The following CHM variants were observed in gnomAD, a reference collection of about 807,000 sequenced individuals.
CHM encodes the protein CHM Rab escort protein.
CHM carries 10 observed loss-of-function variants against 49.0 expected under a neutral mutation model. The observed-to-expected ratio is 0.20, with a 90% confidence interval of 0.13 to 0.35. The LOEUF (loss-of-function observed/expected upper bound fraction) is 0.35. Ranked by LOEUF, CHM falls within the 10% of genes least tolerant of loss-of-function variation. The probability of loss-of-function intolerance (pLI) is 1.00; values close to 1 mark genes in which losing one functional copy is unlikely to be tolerated. For synonymous variants in CHM, 184 were observed against 167.5 expected, an observed-to-expected ratio of 1.10 and a Z score of -0.76; for missense variants, 455 against 478.4, an observed-to-expected ratio of 0.95 and a Z score of 0.46.
intron 3 of CHM, among the ~76,000 whole-genome samples, chrX:85,980,538 A>G (rs890053713): frequency 8.9e-6 from 1 of 112,312 alleles, no homozygotes. Context: ...AAATCAATCA[A>G]TCAATGCAAT....
At chrX:85,925,028 C>T (rs757556705) in intron 8 of CHM, among the ~76,000 whole-genome samples, 1 of 111,660 alleles carries the variant, frequency 9.0e-6, no homozygotes, top group Non-Finnish European at 1.9e-5. Context: ...TTCTATAGGA[C>T]AGTCACAGTA....
rs139527005 is a variant in CHM at position 86,035,059 on chromosome X, G to A, written c.50-7502C>T. Among the ~76,000 whole-genome samples the A allele has an allele frequency of 8.5e-3, 953 of 111,675 alleles. 9 individuals are homozygous for A. Among genetic ancestry groups the A allele is most frequent in the African/African-American group, 0.029 (894 of 30,693 alleles). ...AGAGGCAAAGGAAAGAGAAGGTCTA[G>A]ACAAAACTAGGGGAGGGTAACAGAG... On this transcript the variant is annotated intron_variant, in intron 1 of 14. Coordinates refer to ENST00000357749, the MANE Select transcript of CHM (RefSeq NM_000390.4).
intron 2 of CHM, among the ~76,000 whole-genome samples, chrX:86,013,123 T>A (rs1419693461): frequency 3.6e-5 from 4 of 111,793 alleles, no homozygotes; most frequent in Non-Finnish European, 7.5e-5. Context: ...ACAGCCATAC[T>A]GACAGAGAGA....
chrX:85,987,142 G>C (rs956372757), intron 2 of CHM, among the ~76,000 whole-genome samples: 2 of 111,952 alleles, frequency 1.8e-5, no homozygotes, highest in Non-Finnish European at 3.8e-5. Context: ...TAAACAATAT[G>C]ACTGAGAGGT....
At chrX:85,913,340 G>GAAAGAAAGAAAGAAAA (rs1927215802) in intron 8 of CHM, among the ~76,000 whole-genome samples, 2 of 50,492 alleles carry the variant, frequency 4.0e-5, no homozygotes, top group African/African-American at 6.6e-5. Flanking sequence ...AAAAAAGAAA[G>GAAAGAAAGAAAGAAAA]AAAGAAAGAA....
At chrX:86,012,262 A>G (rs1441444242) in intron 2 of CHM, among the ~76,000 whole-genome samples, 2 of 111,745 alleles carry the variant, frequency 1.8e-5, no homozygotes, top group African/African-American at 3.3e-5. Context: ...TAAACCCTCC[A>G]AAAACATTAT....
At chrX:85,890,454 G>C (rs1174847392) in intron 12 of CHM, among the ~76,000 whole-genome samples, 1 of 111,682 alleles carries the variant, frequency 9.0e-6, no homozygotes, top group Admixed American at 9.4e-5. Context: ...CCCATGTGTT[G>C]TGGGAAGGAC....
Position 86,002,112 on chromosome X carries a change from G to A in CHM, c.117-20303C>T, listed in dbSNP as rs779212939. Among the ~76,000 whole-genome samples the A allele has an allele frequency of 6.3e-5, 7 of 111,793 alleles. No homozygotes were observed. The East Asian group carries it at 1.1e-3, about 18-fold the overall frequency. ...TGACTAGTTTTTGTCCAGGAACTAT[G>A]AGCAAAGATGATATATGCCACTCCA... On this transcript the variant is annotated intron_variant, in intron 2 of 14. Transcript: ENST00000357749.
At chrX:86,031,413 G>A (rs1182919316) in intron 1 of CHM, among the ~76,000 whole-genome samples, 2 of 111,965 alleles carry the variant, frequency 1.8e-5, no homozygotes, top group African/African-American at 6.5e-5. Flanking sequence ...AGCCTCTGAG[G>A]AATAGGGAGT....
chrX:85,929,945 T>C (rs1257219381), intron 8 of CHM, among the ~76,000 whole-genome samples: 1 of 109,461 alleles, frequency 9.1e-6, no homozygotes. Flanking sequence ...CTACTAATAA[T>C]ACAAAAATTA....
chrX:86,025,726 G>A (rs12397832), intron 2 of CHM, among the ~76,000 whole-genome samples: 1 of 98,192 alleles, frequency 1.0e-5, no homozygotes, highest in Admixed American at 1.1e-4. Flanking sequence ...AAAAGAAAAA[G>A]AAAAAAAAAA....
intron 2 of CHM, among the ~76,000 whole-genome samples, chrX:86,021,069 CATAT>C (rs1393548092): frequency 1.1e-5 from 1 of 92,967 alleles, no homozygotes; most frequent in Non-Finnish European, 2.1e-5. Flanking sequence ...TATATATACA[CATAT>C]ATATACACAC....
At chrX:85,969,139 G>A in intron 4 of CHM, 3 of 710,125 alleles carry the variant, frequency 4.2e-6, no homozygotes, top group South Asian at 1.4e-4. Flanking sequence ...ATACATTAGA[G>A]TTGGTTCATT....
At chrX:85,868,863 C>T (rs1257650201) in intron 14 of CHM, among the ~76,000 whole-genome samples, 1 of 112,090 alleles carries the variant, frequency 8.9e-6, no homozygotes, top group Non-Finnish European at 1.9e-5. Context: ...TAAAACCCTT[C>T]AGGCCTACCT....
At chrX:86,033,883 T>C (rs748080619) in intron 1 of CHM, among the ~76,000 whole-genome samples, 73 of 112,243 alleles carry the variant, frequency 6.5e-4, no homozygotes, top group African/African-American at 2.3e-3. Flanking sequence ...TTCTTCCTCG[T>C]GGAACAAAAT....
intron 12 of CHM, among the ~76,000 whole-genome samples, chrX:85,889,421 A>G (rs1160079223): frequency 8.9e-6 from 1 of 112,565 alleles, no homozygotes; most frequent in Non-Finnish European, 1.9e-5. Flanking sequence ...TTCTCAAAAG[A>G]AGATACATAA....
chrX:85,949,066 T>C (rs1929579189), intron 8 of CHM, among the ~76,000 whole-genome samples: 1 of 111,413 alleles, frequency 9.0e-6, no homozygotes, highest in South Asian at 3.8e-4. Context: ...GGATGAGGTA[T>C]AATTTTTATA....
At chrX:85,904,010 T>C (rs1383820692) in intron 9 of CHM, among the ~76,000 whole-genome samples, 2 of 111,736 alleles carry the variant, frequency 1.8e-5, no homozygotes, top group Non-Finnish European at 3.8e-5. Flanking sequence ...TACTGTCATA[T>C]ATTCAGCATA....
At chrX:85,865,972 T>C (rs1923662924) in intron 14 of CHM, among the ~76,000 whole-genome samples, 1 of 112,485 alleles carries the variant, frequency 8.9e-6, no homozygotes, top group Non-Finnish European at 1.9e-5. Flanking sequence ...TTGGAACTTA[T>C]GTTTAAAAGG....
Sources: allele counts gnomAD v4.1 joint callset (sites outside exome capture counted in the v4.1 genomes callset), GRCh38; gene constraint gnomAD v4.1.1; transcripts MANE v1.5; gene names NCBI Gene and HGNC (gene_info 2026-07-23, HGNC 2026-07-21).